The following CHFR variants were observed in gnomAD, a reference collection of about 807,000 sequenced individuals.
CHFR encodes checkpoint with forkhead and ring finger domains.
Under a neutral mutation model 87.6 loss-of-function variants are expected in CHFR, and 57 were observed. The ratio of observed to expected loss-of-function variants is 0.65; its 90% CI spans 0.53 to 0.81. The LOEUF (loss-of-function observed/expected upper bound fraction) is 0.81, where lower values mean the gene tolerates loss of function less well. Ranked by LOEUF, CHFR falls within the 30% of genes least tolerant of loss-of-function variation. CHFR has a pLI of 0.00. For missense variants in CHFR, 797 were observed against 865.8 expected (o/e 0.92, Z 1.00); for synonymous variants, 381 against 359.2 (o/e 1.06, Z -0.69).
intron 6 of CHFR, among the ~76,000 whole-genome samples, chr12:132,863,891 T>C (rs576721982): frequency 6.6e-6 from 1 of 152,246 alleles, no homozygotes; most frequent in East Asian, 1.9e-4. Context: ...CCTGAGTATC[T>C]GGGACTACAG....
At position 132,837,519 on chromosome 12, in the gene CHFR, A is replaced by G. The variant is rs1422812989; in HGVS notation, c.*4035T>C. 1 of 153,056 alleles carries G rather than the reference A, an allele frequency of 6.5e-6. No homozygotes were observed. The highest frequency in any genetic ancestry group is 1.5e-5 in the Non-Finnish European group (1 of 68,672). 9.5% of individuals were successfully genotyped at this position (153,056 alleles called of 1,614,324 possible). A position where few individuals can be genotyped will look rare whatever the true frequency, so the allele number is the denominator to read the frequency against. On this transcript the variant is annotated 3_prime_UTR_variant, in exon 18 of 18. Coordinates refer to ENST00000450056, the MANE Select transcript of CHFR (RefSeq NM_001161346.2). ...ACACACCCTCGGGCCTGCAGGTAACAGGCAGGTGCGGTAAACTAACTAGAA... is the reference window on the plus strand; with the variant it reads ...ACACACCCTCGGGCCTGCAGGTAACGGGCAGGTGCGGTAAACTAACTAGAA...
intron 2 of CHFR, 73 bp from the exon 3 acceptor site, chr12:132,877,727 A>G (rs1336770891): frequency 7.9e-6 from 7 of 886,182 alleles, no homozygotes; most frequent in Non-Finnish European, 1.2e-5. Context: ...TTTGTTTACC[A>G]AAGTATGTGG....
intron 7 of CHFR, among the ~76,000 whole-genome samples, 181 bp downstream of exon 7, chr12:132,861,286 G>A (rs1304217908): frequency 2.6e-5 from 4 of 152,088 alleles, no homozygotes; most frequent in African/African-American, 7.2e-5. Context: ...TATGCAAACC[G>A]CAAAAAAACA....
At chr12:132,864,455 T>C (rs1325656710) in intron 6 of CHFR, among the ~76,000 whole-genome samples, 1 of 151,970 alleles carries the variant, frequency 6.6e-6, no homozygotes, top group African/African-American at 2.4e-5. Flanking sequence ...TGCATACACT[T>C]AGGCATACAG....
rs1951208249 is a variant in CHFR, at chr12:132,861,485, T to C, written c.733A>G (p.Lys245Glu). ...CACTAACCTCCTCTCATTTTCTTCT[T>C]CACGGGCTCCAAATCCTCCTGATCC... ...PQDQEDLEPV[K>E]KKMRGDGDLD... The change falls in exon 7 of 18, where the codon AAG becomes GAG. Residue 245 changes from lysine (K) to glutamate (E), a missense_variant. By Grantham distance (56) the Lys-to-Glu change is moderately conservative. Transcript: ENST00000450056. 1.2e-6 allele frequency: 2 copies of C among 1,614,054 alleles called. No individual in the cohort carries two copies. The highest frequency in any genetic ancestry group is 2.7e-5 in the African/African-American group (2 of 74,920).
intron 6 of CHFR, among the ~76,000 whole-genome samples, chr12:132,865,529 T>C (rs1280873793): frequency 2.0e-5 from 3 of 151,828 alleles, no homozygotes; most frequent in Non-Finnish European, 1.5e-5. Flanking sequence ...CCTGCCACCA[T>C]GCCTGGATAA....
At chr12:132,876,106 T>A (rs1593521728) in intron 3 of CHFR, among the ~76,000 whole-genome samples, 1 of 148,436 alleles carries the variant, frequency 6.7e-6, no homozygotes. Flanking sequence ...AACCTGGGAG[T>A]CGGAGGTCGC....
chr12:132,850,614 T>A (rs1180876567), intron 12 of CHFR, among the ~76,000 whole-genome samples: 1 of 152,094 alleles, frequency 6.6e-6, no homozygotes, highest in Non-Finnish European at 1.5e-5. Flanking sequence ...GCCCCACCCC[T>A]GCCAAGCCCA....
chr12:132,877,568 G>A lies in CHFR; in HGVS notation c.220C>T (p.Leu74=), dbSNP rs1252203966. 6.2e-7 allele frequency: 1 copy of A among 1,609,020 alleles called. No individual in the cohort carries two copies. Residue 74 remains leucine (L), a synonymous_variant, in exon 3 of 18, where the codon CTG becomes TTG. Coordinates refer to ENST00000450056, the MANE Select transcript of CHFR (RefSeq NM_001161346.2). ...VVDEKSGQVT[L]EDTSTSGTVI... ...GAACATACTCACCTGGTATCTTCCA[G>A]TGTCACCTGACCTGATTTTTCATCC...
At chr12:132,847,331 C>G (rs955447247) in intron 14 of CHFR, 1 of 1,335,252 alleles carries the variant, frequency 7.5e-7, no homozygotes, top group Non-Finnish European at 9.7e-7. Context: ...CTGGAAGTCC[C>G]AAAAGGTTCC....
chr12:132,859,222 C>A lies in CHFR; in HGVS notation c.757G>T (p.Asp253Tyr). 6.2e-7 allele frequency: 1 copy of A among 1,612,386 alleles called. No homozygotes were observed. The highest frequency in any genetic ancestry group is 8.5e-7 in the Non-Finnish European group (1 of 1,179,132). The change falls in exon 8 of 18, where the codon GAC (aspartate) becomes TAC (tyrosine). Residue 253 changes from aspartate (D) to tyrosine (Y), a missense_variant. Physicochemically the swap from Asp to Tyr is radical, Grantham distance 160. Coordinates refer to ENST00000450056, the MANE Select transcript of CHFR (RefSeq NM_001161346.2). ...AACAACTGCCCGTTCAGGTCAAGGT[C>A]CCCATCTACAGGAGAAAGGGATGTG... ...PVKKKMRGDGDLDLNGQLLVA... is the reference protein window; with the variant it reads ...PVKKKMRGDGYLDLNGQLLVA...
chr12:132,872,513 C>G, intron 3 of CHFR, 119 bp from the exon 4 acceptor site: 1 of 672,616 alleles, frequency 1.5e-6, no homozygotes, highest in Non-Finnish European at 2.7e-6. Context: ...CTCATAGGAA[C>G]AGTGTAAATA....
intron 11 of CHFR, among the ~76,000 whole-genome samples, chr12:132,852,287 C>T (rs1440600138): frequency 2.6e-5 from 4 of 151,998 alleles, no homozygotes; most frequent in South Asian, 2.1e-4. Flanking sequence ...CGTGCCCGGC[C>T]GATCTGTTGA....
chr12:132,883,443 A>G (rs1280468970), intron 2 of CHFR, among the ~76,000 whole-genome samples: 11 of 138,804 alleles, frequency 7.9e-5, no homozygotes, highest in Admixed American at 2.9e-4. Flanking sequence ...AAAAAAAAAA[A>G]GACTGGGCGC....
At chr12:132,856,405 C>T (rs987960909) in intron 10 of CHFR, 63 bp downstream of exon 10, 18 of 1,565,548 alleles carry the variant, frequency 1.1e-5, no homozygotes, top group South Asian at 3.4e-5. Context: ...AGTGAGCTCT[C>T]GGTCACGGTT....
chr12:132,834,810 G>T lies in CHFR; in HGVS notation c.*6744C>A, dbSNP rs565269686. ...GGTTCACTGCAAGCTCCGCCTCCCG[G>T]GTTCAAGCCATTCTCCTGCCTCAGC... On this transcript the variant is annotated 3_prime_UTR_variant, in exon 18 of 18. Transcript: ENST00000450056. 2 of 151,862 alleles carry T rather than the reference G, an allele frequency of 1.3e-5. No homozygotes were observed. The highest frequency in any genetic ancestry group is 3.9e-4 in the East Asian group (2 of 5,166). 9.4% of individuals were successfully genotyped at this position (151,862 alleles called of 1,614,324 possible). A position where few individuals can be genotyped will look rare whatever the true frequency, so the allele number is the denominator to read the frequency against.
rs1206855607 is a variant in CHFR at position 132,859,914 on chromosome 12, G to A, written c.752-687C>T. On this transcript the variant is annotated intron_variant, in intron 7 of 17. Coordinates refer to ENST00000450056, the MANE Select transcript of CHFR (RefSeq NM_001161346.2). ...AAAAAAATTAGCCAGCTATGGTAGC[G>A]TGCACCTGTGGTCTCAGCTACTCGG... Among the ~76,000 whole-genome samples the A allele has an allele frequency of 3.3e-5, 5 of 152,014 alleles. No individual in the cohort carries two copies. In the East Asian group the frequency reaches 5.8e-4, roughly 18 times the overall value.
At chr12:132,850,576 G>A (rs1486276840) in intron 12 of CHFR, among the ~76,000 whole-genome samples, 6 of 152,144 alleles carry the variant, frequency 3.9e-5, no homozygotes, top group South Asian at 2.1e-4. Flanking sequence ...TGTGTCCCAC[G>A]GCCATGTGTC....
At chr12:132,846,478 G>C (rs936628467) in intron 15 of CHFR, among the ~76,000 whole-genome samples, 8 of 151,756 alleles carry the variant, frequency 5.3e-5, no homozygotes, top group South Asian at 2.1e-4. Context: ...TACCGTGTTA[G>C]CCAGGATGGT....
Sources: gnomAD v4.1 joint callset for allele counts (sites outside exome capture counted in the v4.1 genomes callset) on GRCh38, gnomAD v4.1.1 for gene constraint, MANE v1.5 for transcripts, NCBI Gene and HGNC (gene_info 2026-07-23, HGNC 2026-07-21) for gene names.